Variants in TEX30 observed in about 807,000 individuals in gnomAD.
TEX30 encodes testis-expressed protein 30.
A neutral mutation model predicts 23.8 loss-of-function variants in TEX30; 14 were observed. The observed-to-expected ratio is 0.59, with a 90% confidence interval of 0.39 to 0.92. The LOEUF (loss-of-function observed/expected upper bound fraction) is 0.92. Among genes scored for constraint, TEX30 ranks in the 40% least tolerant of loss-of-function variants. The pLI, the probability that TEX30 is intolerant of heterozygous loss-of-function variation, is 0.00. For missense variants in TEX30, 246 were observed against 270.6 expected (o/e 0.91, Z 0.64); for synonymous variants, 78 against 90.2 (o/e 0.87, Z 0.76).
At position 102,766,538 on chromosome 13, in the gene TEX30, T is replaced by C. The variant is rs779215166; in HGVS notation, c.547A>G (p.Lys183Glu). The C allele has an allele frequency of 6.2e-7, 1 of 1,613,752 alleles. No individual in the cohort carries two copies. The highest frequency in any genetic ancestry group is 8.5e-7 in the Non-Finnish European group (1 of 1,179,848). ...KVAQKMQAPH[K>E]IHWIEKANHS... is the part of the protein sequence containing the mutation. ...TTTGCCTTCTCAATCCAGTGGATTT[T>C]ATGGGGAGCTTGCATTTTCTGTGCC... Residue 183 changes from lysine to glutamate, a missense_variant, in exon 6 of 6, where the codon AAA becomes GAA. Physicochemically the swap from Lys to Glu is moderately conservative, Grantham distance 56. Coordinates refer to ENST00000376032, the MANE Select transcript of TEX30 (RefSeq NM_138779.5).
Position 102,773,722 on chromosome 13 carries a change from A to G in TEX30, c.-101T>C, listed in dbSNP as rs1877495437. ...TGGCCGCGGGCACCCAACCGCCGTC[A>G]CTCCCTTCAGGGAGCTGACTAGCGC... On this transcript the variant is annotated 5_prime_UTR_variant, in exon 1 of 6. Transcript: ENST00000376032. 1 of 151,178 alleles carries G rather than the reference A, an allele frequency of 6.6e-6. No homozygotes were observed. The highest frequency in any genetic ancestry group is 2.4e-5 in the African/African-American group (1 of 41,028). 9.4% of individuals were successfully genotyped at this position (151,178 alleles called of 1,614,324 possible). A position where few individuals can be genotyped will look rare whatever the true frequency, so the allele number is the denominator to read the frequency against.
intron 2 of TEX30, 34 bp from the exon 3 acceptor site, chr13:102,769,575 A>G (rs539895387): frequency 1.7e-4 from 239 of 1,366,466 alleles, no homozygotes; most frequent in Non-Finnish European, 2.3e-5. Context: ...ATCAAAAATT[A>G]CTTTCTTGCC....
rs116320332 is a variant in TEX30 at position 102,770,267 on chromosome 13, T to C, written c.-60-181A>G. 3,385 of 346,028 alleles carry C rather than the reference T, an allele frequency of 9.8e-3. 77 individuals are homozygous for C. The highest frequency in any genetic ancestry group is 0.056 in the African/African-American group (2,688 of 47,608). 21.4% of individuals were successfully genotyped at this position (346,028 alleles called of 1,614,324 possible). A position where few individuals can be genotyped will look rare whatever the true frequency, so the allele number is the denominator to read the frequency against. On this transcript the variant is annotated intron_variant, in intron 1 of 5. Coordinates refer to ENST00000376032, the MANE Select transcript of TEX30 (RefSeq NM_138779.5). Reference sequence around the variant, plus strand: ...ATTGGTTAGAGGGCCAGGTGCAGGGTTGGTAGATGTTATAGAAGATAAAAC... The same window carrying C: ...ATTGGTTAGAGGGCCAGGTGCAGGGCTGGTAGATGTTATAGAAGATAAAAC...
At chr13:102,772,062 A>G (rs1236079630) in intron 1 of TEX30, among the ~76,000 whole-genome samples, 1 of 152,080 alleles carries the variant, frequency 6.6e-6, no homozygotes, top group Non-Finnish European at 1.5e-5. Context: ...AATAGCCTTA[A>G]TGTAAGTTTA....
In TEX30 at chr13:102,766,525, A is replaced by G; in HGVS notation, c.560T>C (p.Ile187Thr). The G allele has an allele frequency of 6.2e-7, 1 of 1,613,888 alleles. No homozygotes were observed. The highest frequency in any genetic ancestry group is 2.2e-5 in the East Asian group (1 of 44,846). ...TGCCATGGAATGATTTGCCTTCTCA[A>G]TCCAGTGGATTTTATGGGGAGCTTG... is the stretch of plus-strand genomic sequence containing the variant. Reference protein sequence around the residue: ...KMQAPHKIHWIEKANHSMAVK... With the variant: ...KMQAPHKIHWTEKANHSMAVK... The change falls in exon 6 of 6, where the codon ATT becomes ACT. Residue 187 changes from isoleucine to threonine, a missense_variant. Ile to Thr is a moderately conservative substitution (Grantham distance 89, BLOSUM62 -1). Coordinates refer to ENST00000376032, the MANE Select transcript of TEX30 (RefSeq NM_138779.5).
In TEX30 at chr13:102,766,486, G is replaced by A. The variant is rs139201205; in HGVS notation, c.599C>T (p.Ser200Leu). 5.4e-5 allele frequency: 87 copies of A among 1,613,718 alleles called. 1 individual carries two copies. Among genetic ancestry groups the A allele is most frequent in the South Asian group, 4.2e-4 (38 of 91,042 alleles). ...TATTTCTTTGAAAACATCATTTGTC[G>A]ACCGTCCTTTCACTGCCATGGAATG... ...ANHSMAVKGR[S>L]TNDVFKEINT... Residue 200 changes from serine to leucine, a missense_variant, in exon 6 of 6, where the codon TCG becomes TTG. Transcript: ENST00000376032.
At chr13:102,768,341 C>T (rs754942236) in intron 3 of TEX30, 30 bp from the exon 4 acceptor site, 8 of 1,518,736 alleles carry the variant, frequency 5.3e-6, no homozygotes, top group Admixed American at 3.9e-5. Context: ...ATCAGTTCTT[C>T]ACCTATAAAA....
intron 3 of TEX30, 28 bp downstream of exon 3, chr13:102,769,283 A>G (rs1445347879): frequency 1.5e-6 from 2 of 1,376,510 alleles, no homozygotes; most frequent in East Asian, 5.2e-5. Flanking sequence ...GAATTCTGTT[A>G]TAAGTAAATA....
chr13:102,772,676 A>G (rs1354679024), intron 1 of TEX30, among the ~76,000 whole-genome samples: 2 of 152,148 alleles, frequency 1.3e-5, no homozygotes, highest in Admixed American at 6.5e-5. Flanking sequence ...CCCGGGTTCA[A>G]GAGATTCTCC....
intron 1 of TEX30, among the ~76,000 whole-genome samples, chr13:102,772,779 C>T (rs565754912): frequency 6.6e-6 from 1 of 152,258 alleles, no homozygotes; most frequent in Admixed American, 6.5e-5. Context: ...GTTGGCCAGG[C>T]TGGTTTTGAA....
chr13:102,766,542 G>C lies in TEX30; in HGVS notation c.543C>G (p.Pro181=), dbSNP rs34974550. The change falls in exon 6 of 6, where the codon CCC becomes CCG. Residue 181 remains proline (P), a synonymous_variant. Coordinates refer to ENST00000376032, the MANE Select transcript of TEX30 (RefSeq NM_138779.5). The part of the protein sequence containing the change: ...LEKVAQKMQA[P]HKIHWIEKAN... ...CCTTCTCAATCCAGTGGATTTTATGGGGAGCTTGCATTTTCTGTGCCACTT... is the reference window on the plus strand; with the variant it reads ...CCTTCTCAATCCAGTGGATTTTATGCGGAGCTTGCATTTTCTGTGCCACTT... The C allele has an allele frequency of 1.9e-6, 3 of 1,613,336 alleles. No individual in the cohort carries two copies. Among genetic ancestry groups the C allele is most frequent in the African/African-American group, 1.3e-5 (1 of 75,026 alleles).
At chr13:102,768,223 C>G in intron 4 of TEX30, 37 bp downstream of exon 4, 1 of 1,495,404 alleles carries the variant, frequency 6.7e-7, no homozygotes, top group Non-Finnish European at 9.2e-7. Context: ...TATATTAAAA[C>G]AGGTAATTAA....
intron 1 of TEX30, 171 bp from the exon 2 acceptor site, chr13:102,770,257 A>G (rs2139043034): frequency 2.8e-6 from 1 of 362,026 alleles, no homozygotes; most frequent in Non-Finnish European, 4.9e-6. Context: ...TTAGAGGGCC[A>G]GGTGCAGGGT....
rs1331240691 is a variant in TEX30, at chr13:102,769,450, T to C, written c.107A>G (p.His36Arg). 2.5e-6 allele frequency: 4 copies of C among 1,612,142 alleles called. No homozygotes were observed. Among genetic ancestry groups the C allele is most frequent in the Admixed American group, 1.7e-5 (1 of 59,662 alleles). ...KSLTYGIILT[H>R]GASGDMNLPH... ...AAGATTCATATCTCCTGATGCTCCATGTGTAAGAATTATTCCATATGTTAA... is the reference window on the plus strand; with the variant it reads ...AAGATTCATATCTCCTGATGCTCCACGTGTAAGAATTATTCCATATGTTAA... Residue 36 changes from histidine (H) to arginine (R), a missense_variant, in exon 3 of 6, where the codon CAT (histidine) becomes CGT (arginine). Transcript: ENST00000376032.
At chr13:102,772,473 C>T (rs1877392480) in intron 1 of TEX30, among the ~76,000 whole-genome samples, 1 of 152,144 alleles carries the variant, frequency 6.6e-6, no homozygotes, top group African/African-American at 2.4e-5. Context: ...TCAGACTTCA[C>T]GATGCACAGT....
At position 102,766,349 on chromosome 13, in the gene TEX30, C is replaced by A; in HGVS notation, c.*52G>T. Reference sequence around the variant, plus strand: ...ATATCTCACAATGCTGAGAGGCATACTCTTCTTTATCAAATTAACTGTATG... The same window carrying A: ...ATATCTCACAATGCTGAGAGGCATAATCTTCTTTATCAAATTAACTGTATG... On this transcript the variant is annotated 3_prime_UTR_variant, in exon 6 of 6. Coordinates refer to ENST00000376032, the MANE Select transcript of TEX30 (RefSeq NM_138779.5). 1 of 1,474,620 alleles carries A rather than the reference C, an allele frequency of 6.8e-7. No homozygotes were observed. The highest frequency in any genetic ancestry group is 9.3e-7 in the Non-Finnish European group (1 of 1,073,364). The allele number at this position is 1,474,620 out of a possible 1,614,324, so 91.3% of individuals were successfully genotyped here.
Position 102,766,089 on chromosome 13 carries a change from TATCA to T in TEX30, c.*308_*311del, listed in dbSNP as rs1447573876. 1.1e-5 allele frequency: 2 copies of T among 176,904 alleles called. No individual in the cohort carries two copies. Among genetic ancestry groups the T allele is most frequent in the African/African-American group, 4.7e-5 (2 of 42,194 alleles). 11.0% of individuals were successfully genotyped at this position (176,904 alleles called of 1,614,324 possible). A position where few individuals can be genotyped will look rare whatever the true frequency, so the allele number is the denominator to read the frequency against. ...TGCTCTGCAAAATTTCTCAGTTGCC[TATCA>T]ATAAGACAAAAGCACCTTTTTGTAA... On this transcript the variant is annotated 3_prime_UTR_variant, in exon 6 of 6. Coordinates refer to ENST00000376032, the MANE Select transcript of TEX30 (RefSeq NM_138779.5).
At chr13:102,773,324 A>T (rs940785535) in intron 1 of TEX30, among the ~76,000 whole-genome samples, 1 of 152,004 alleles carries the variant, frequency 6.6e-6, no homozygotes, top group African/African-American at 2.4e-5. Context: ...TCTCTCCGCA[A>T]ATGCGCGCTG....
intron 4 of TEX30, 64 bp downstream of exon 4, chr13:102,768,196 T>C: frequency 5.3e-6 from 7 of 1,321,704 alleles, no homozygotes; most frequent in Non-Finnish European, 7.3e-6. Context: ...TAATTTTAAT[T>C]CTCCATTACC....
Sources: gnomAD v4.1 joint callset for allele counts (sites outside exome capture counted in the v4.1 genomes callset) on GRCh38, gnomAD v4.1.1 for gene constraint, MANE v1.5 for transcripts, NCBI Gene and HGNC (gene_info 2026-07-23, HGNC 2026-07-21) for gene names.